Variants in STK24 observed in about 807,000 individuals in gnomAD.
STK24 encodes the protein serine/threonine-protein kinase 24.
Under a neutral mutation model 55.6 loss-of-function variants are expected in STK24, and 21 were observed. The ratio of observed to expected loss-of-function variants is 0.38; its 90% CI spans 0.27 to 0.54. The LOEUF (loss-of-function observed/expected upper bound fraction) is 0.54. Among genes scored for constraint, STK24 ranks in the 20% least tolerant of loss-of-function variants. STK24 has a pLI of 0.79. For missense variants in STK24, 383 were observed against 538.4 expected, an observed-to-expected ratio of 0.71 and a Z score of 2.86; for synonymous variants, 200 against 215.2, an observed-to-expected ratio of 0.93 and a Z score of 0.62.
intron 1 of STK24, among the ~76,000 whole-genome samples, chr13:98,562,330 CAT>C (rs1355610166): frequency 6.6e-6 from 1 of 152,134 alleles, no homozygotes; most frequent in Non-Finnish European, 1.5e-5. Context: ...CCCCACTTCA[CAT>C]GATTCTTTTA....
At chr13:98,541,061 A>C (rs1201862746) in intron 1 of STK24, among the ~76,000 whole-genome samples, 1 of 152,170 alleles carries the variant, frequency 6.6e-6, no homozygotes, top group Non-Finnish European at 1.5e-5. Context: ...GATTAAGTAA[A>C]TCTACTGAGG....
chr13:98,469,008 G>T (rs931412144), intron 5 of STK24, among the ~76,000 whole-genome samples: 1 of 152,226 alleles, frequency 6.6e-6, no homozygotes, highest in Non-Finnish European at 1.5e-5. Context: ...GGCAGAAGCC[G>T]ATCTCTGCTG....
intron 2 of STK24, among the ~76,000 whole-genome samples, chr13:98,484,454 C>T (rs996232295): frequency 1.6e-4 from 24 of 152,136 alleles, no homozygotes; most frequent in African/African-American, 5.3e-4. Context: ...GTAATCTCCC[C>T]GCCTCTTCTC....
intron 2 of STK24, among the ~76,000 whole-genome samples, chr13:98,494,241 C>G (rs61969450): frequency 0.21 from 31,186 of 147,284 alleles, 4,001 homozygotes; most frequent in Non-Finnish European, 0.29. Context: ...GAAACCCCGT[C>G]TCTACTAAAA....
intron 2 of STK24, among the ~76,000 whole-genome samples, chr13:98,514,748 TA>T (rs1895997155): frequency 6.6e-6 from 1 of 152,242 alleles, no homozygotes; most frequent in South Asian, 2.1e-4. Flanking sequence ...TTGAGAGGAA[TA>T]AATAATTTAT....
chr13:98,520,019 A>T (rs1312886752), intron 1 of STK24, among the ~76,000 whole-genome samples: 2 of 151,190 alleles, frequency 1.3e-5, no homozygotes, highest in African/African-American at 4.9e-5. Flanking sequence ...TCCAGAAAAC[A>T]ATAAGCAGCC....
intron 10 of STK24, chr13:98,455,535 C>T (rs1893416387): frequency 6.6e-6 from 1 of 152,310 alleles, no homozygotes; most frequent in African/African-American, 2.4e-5. Context: ...GCCACCACAT[C>T]CAGCAGAAAA....
chr13:98,533,231 T>C (rs1174389950), intron 1 of STK24, among the ~76,000 whole-genome samples: 5 of 151,864 alleles, frequency 3.3e-5, no homozygotes, highest in Non-Finnish European at 1.5e-5. Flanking sequence ...ATATAAAAAT[T>C]AGCCAGGCTA....
intron 1 of STK24, among the ~76,000 whole-genome samples, chr13:98,546,903 T>G (rs1034817853): frequency 1.3e-5 from 2 of 152,022 alleles, no homozygotes; most frequent in Admixed American, 1.3e-4. Context: ...TAATTGTTGT[T>G]TTTTTTTGTT....
At chr13:98,489,977 A>C (rs1282527760) in intron 2 of STK24, among the ~76,000 whole-genome samples, 1 of 152,234 alleles carries the variant, frequency 6.6e-6, no homozygotes, top group Non-Finnish European at 1.5e-5. Flanking sequence ...GGAAAGGCCC[A>C]AAACGGTTCT....
chr13:98,543,071 G>A (rs1445597766), intron 1 of STK24: 9 of 970,264 alleles, frequency 9.3e-6, no homozygotes, highest in Non-Finnish European at 9.8e-6. Flanking sequence ...AAGGCCAAGG[G>A]AGGGGGGAGA....
intron 1 of STK24, chr13:98,521,666 G>A (rs1477241394): frequency 8.9e-6 from 6 of 675,564 alleles, no homozygotes; most frequent in Admixed American, 4.2e-5. Context: ...GCTAGGATGA[G>A]CAGCTTTCGG....
In STK24 at chr13:98,521,012, G is replaced by A. The variant is rs149871509; in HGVS notation, c.43-1539C>T. On this transcript the variant is annotated intron_variant, in intron 1 of 10. Transcript: ENST00000539966. ...TGGACATATACCCAACGGGAAATGC[G>A]TCCTGGGGTTACCAAGAGAGCAGGA... is the stretch of plus-strand genomic sequence containing the variant. Among the ~76,000 whole-genome samples the A allele has an allele frequency of 9.2e-5, 14 of 152,302 alleles. No homozygotes were observed. The East Asian group carries it at 2.7e-3, about 29-fold the overall frequency.
chr13:98,446,343 G>A lies in STK24; in HGVS notation c.*6830C>T, dbSNP rs1892834327. 1.6e-6 allele frequency: 1 copy of A among 631,452 alleles called. No homozygotes were observed. Among genetic ancestry groups the A allele is most frequent in the Non-Finnish European group, 2.8e-6 (1 of 355,868 alleles). The allele number at this position is 631,452 out of a possible 1,614,324, so 39.1% of individuals were successfully genotyped here. ...GGGATGACAGGGATGCTGGCGGGGG[G>A]CCCTGTCCACCCGAGGCCCTCAACT... On this transcript the variant is annotated 3_prime_UTR_variant, in exon 11 of 11. Coordinates refer to ENST00000539966, the MANE Select transcript of STK24 (RefSeq NM_001032296.4).
intron 2 of STK24, among the ~76,000 whole-genome samples, chr13:98,492,028 A>AC (rs1429498507): frequency 1.3e-5 from 2 of 152,094 alleles, no homozygotes; most frequent in African/African-American, 4.8e-5. Flanking sequence ...TAGGCAGAAA[A>AC]GGGTGGGTGA....
intron 2 of STK24, among the ~76,000 whole-genome samples, chr13:98,501,206 A>T (rs1472117488): frequency 6.6e-6 from 1 of 152,224 alleles, no homozygotes; most frequent in Non-Finnish European, 1.5e-5. Flanking sequence ...GCACAGCCTC[A>T]CCGCGGAGTC....
In STK24 at chr13:98,446,378, A is replaced by C; in HGVS notation, c.*6795T>G. ...CCCGAGGCCCTCAACTCTAGGGAAG[A>C]CTGACATTATCATCCACTGAAGGAC... is the stretch of plus-strand genomic sequence containing the variant. On this transcript the variant is annotated 3_prime_UTR_variant, in exon 11 of 11. Transcript: ENST00000539966. The C allele has an allele frequency of 1.7e-6, 1 of 603,548 alleles. No homozygotes were observed. The highest frequency in any genetic ancestry group is 1.9e-5 in the African/African-American group (1 of 53,960). The allele number at this position is 603,548 out of a possible 1,614,324, so 37.4% of individuals were successfully genotyped here. A position where few individuals can be genotyped will look rare whatever the true frequency, so the allele number is the denominator to read the frequency against.
chr13:98,562,130 C>T (rs747100869), intron 1 of STK24, among the ~76,000 whole-genome samples: 9 of 152,088 alleles, frequency 5.9e-5, no homozygotes, highest in Non-Finnish European at 8.8e-5. Flanking sequence ...ACAATATCAA[C>T]GTGTACCTAC....
chr13:98,518,438 G>A (rs181045668), intron 2 of STK24, among the ~76,000 whole-genome samples: 3 of 152,192 alleles, frequency 2.0e-5, no homozygotes, highest in Non-Finnish European at 4.4e-5. Flanking sequence ...TCATAGTTCT[G>A]TATTCCACAA....
Sources: gnomAD v4.1 joint callset for allele counts (sites outside exome capture counted in the v4.1 genomes callset) on GRCh38, gnomAD v4.1.1 for gene constraint, MANE v1.5 for transcripts, NCBI Gene and HGNC (gene_info 2026-07-23, HGNC 2026-07-21) for gene names.